The following FARP1 variants were observed in gnomAD, a reference collection of about 807,000 sequenced individuals.
FARP1 encodes FERM, ARHGEF and pleckstrin domain-containing protein 1.
A neutral mutation model predicts 128.8 loss-of-function variants in FARP1; 52 were observed. The ratio of observed to expected loss-of-function variants is 0.40; its 90% CI spans 0.32 to 0.51. The LOEUF is 0.51. FARP1 is among the 20% of genes least tolerant of loss of function. The pLI, the probability that FARP1 is intolerant of heterozygous loss-of-function variation, is 0.45. For synonymous variants in FARP1, 580 were observed against 551.8 expected, an observed-to-expected ratio of 1.05 and a Z score of -0.72; for missense variants, 1,333 against 1,367.9, an observed-to-expected ratio of 0.97 and a Z score of 0.40.
intron 2 of FARP1, among the ~76,000 whole-genome samples, chr13:98,258,461 C>T (rs574995880): frequency 2.2e-4 from 33 of 152,204 alleles, no homozygotes; most frequent in African/African-American, 7.5e-4. Context: ...ACGTGAGCAT[C>T]GTGTTTGCTA....
chr13:98,238,375 CTG>C (rs1310293721), intron 2 of FARP1, among the ~76,000 whole-genome samples: 1 of 152,152 alleles, frequency 6.6e-6, no homozygotes. Context: ...ATTTTCTTGT[CTG>C]TAGCTTTTTT....
intron 2 of FARP1, among the ~76,000 whole-genome samples, chr13:98,281,986 TA>T (rs2139627904): frequency 6.6e-6 from 1 of 152,314 alleles, no homozygotes; most frequent in Non-Finnish European, 1.5e-5. Context: ...ATCAGCCGAG[TA>T]CTTTACTCCT....
At chr13:98,199,033 G>C (rs1879766336) in intron 1 of FARP1, among the ~76,000 whole-genome samples, 1 of 131,248 alleles carries the variant, frequency 7.6e-6, no homozygotes, top group African/African-American at 2.9e-5. Flanking sequence ...CACTATTTCA[G>C]GCAGACCAAA....
intron 1 of FARP1, chr13:98,177,126 C>A: frequency 6.2e-7 from 1 of 1,603,676 alleles, no homozygotes; most frequent in Non-Finnish European, 8.5e-7. Context: ...GGTCGCAGGC[C>A]GGGCGCTTTC....
At chr13:98,340,337 C>A (rs1458074820) in intron 2 of FARP1, among the ~76,000 whole-genome samples, 1 of 152,102 alleles carries the variant, frequency 6.6e-6, no homozygotes. Flanking sequence ...TATGGGAATT[C>A]TTCCACAAGT....
chr13:98,215,418 G>A (rs1179662279), intron 2 of FARP1, among the ~76,000 whole-genome samples: 2 of 152,126 alleles, frequency 1.3e-5, no homozygotes, highest in Non-Finnish European at 2.9e-5. Flanking sequence ...GCACAAGGGA[G>A]CCTGGGTTCA....
At chr13:98,333,760 C>T (rs761326861) in intron 2 of FARP1, 1 of 152,124 alleles carries the variant, frequency 6.6e-6, no homozygotes, top group African/African-American at 2.4e-5. Flanking sequence ...CATTTGTGGT[C>T]AGAACCGATG....
chr13:98,330,272 A>G (rs1386929668), intron 2 of FARP1, among the ~76,000 whole-genome samples: 6 of 152,082 alleles, frequency 3.9e-5, no homozygotes, highest in Non-Finnish European at 8.8e-5. Context: ...TTCCATTGTG[A>G]GGACTGTGGC....
chr13:98,287,307 G>A (rs1885227646), intron 2 of FARP1, among the ~76,000 whole-genome samples: 1 of 133,898 alleles, frequency 7.5e-6, no homozygotes, highest in Non-Finnish European at 1.5e-5. Context: ...CTCGGCCACT[G>A]CAACCTTCTC....
rs1880186274 is a variant in FARP1, at chr13:98,205,037, AT to A, written c.-23-8182del. On this transcript the variant is annotated intron_variant, in intron 1 of 26. Transcript: ENST00000319562. ...TTGATTCTGTTACAATTCTTTGAGG[AT>A]GTTTTTGGCATTTAAGCCTTGGATG... Among the ~76,000 whole-genome samples the A allele has an allele frequency of 2.6e-5, 4 of 152,178 alleles. No individual in the cohort carries two copies. In the South Asian group the frequency reaches 8.3e-4, roughly 32 times the overall value.
At chr13:98,436,814 G>A (rs540908335) in intron 19 of FARP1, among the ~76,000 whole-genome samples, 1 of 152,346 alleles carries the variant, frequency 6.6e-6, no homozygotes, top group Non-Finnish European at 1.5e-5. Context: ...GGAACCCTCA[G>A]AAAAGCCCTG....
intron 16 of FARP1, among the ~76,000 whole-genome samples, 184 bp downstream of exon 16, chr13:98,412,218 T>G (rs1483343609): frequency 6.6e-6 from 1 of 152,224 alleles, no homozygotes; most frequent in African/African-American, 2.4e-5. Flanking sequence ...ATTTGCAGTT[T>G]CTTTCCTCTG....
chr13:98,169,555 T>C (rs895458577), intron 1 of FARP1, among the ~76,000 whole-genome samples: 5 of 152,292 alleles, frequency 3.3e-5, no homozygotes, highest in East Asian at 1.9e-4. Flanking sequence ...CAAGACCTTG[T>C]CTCGTCTCTT....
chr13:98,443,105 G>T (rs1248845394), intron 24 of FARP1, among the ~76,000 whole-genome samples: 2 of 152,262 alleles, frequency 1.3e-5, no homozygotes, highest in African/African-American at 4.8e-5. Flanking sequence ...TCTAGCCCCG[G>T]CCTGGTGGCT....
At chr13:98,209,455 C>T (rs1239523481) in intron 1 of FARP1, among the ~76,000 whole-genome samples, 1 of 143,598 alleles carries the variant, frequency 7.0e-6, no homozygotes, top group Non-Finnish European at 1.5e-5. Context: ...AGGAGACAGA[C>T]TATCTGGGGA....
In FARP1 at chr13:98,385,768, C is replaced by A; in HGVS notation, c.713C>A (p.Thr238Lys). 1 of 1,614,138 alleles carries A rather than the reference C, an allele frequency of 6.2e-7. No individual in the cohort carries two copies. Among genetic ancestry groups the A allele is most frequent in the South Asian group, 1.1e-5 (1 of 91,090 alleles). Residue 238 changes from threonine (T) to lysine (K), a missense_variant, in exon 8 of 27, where the codon ACG becomes AAG. By Grantham distance (78) the Thr-to-Lys change is moderately conservative. This residue lies in a region of FARP1 where 324 missense variants were observed against 398.1 expected (regional missense o/e 0.81). Transcript: ENST00000319562. Reference protein sequence around the residue: ...RLHPAKDREGTKINLAVANTG... With the variant: ...RLHPAKDREGKKINLAVANTG... ...CACCCGGCCAAGGACAGGGAAGGCA[C>A]GAAGATCAATCTGGCCGTTGCCAAC... is the stretch of plus-strand genomic sequence containing the variant.
In FARP1 at chr13:98,149,523, A is replaced by G. The variant is rs140327343; in HGVS notation, c.-24+6031A>G. ...CTATTTGTAAGAAAGCGTTGGCACC[A>G]TTTTATGTTACCATCAGTGATGTAT... is the stretch of plus-strand genomic sequence containing the variant. On this transcript the variant is annotated intron_variant, in intron 1 of 26. Transcript: ENST00000319562. Among the ~76,000 whole-genome samples the G allele has an allele frequency of 5.0e-3, 760 of 152,192 alleles. 21 individuals carry two copies. Among genetic ancestry groups the G allele is most frequent in the Admixed American group, 0.044 (668 of 15,266 alleles).
intron 2 of FARP1, among the ~76,000 whole-genome samples, chr13:98,318,232 T>C (rs948425891): frequency 4.5e-4 from 38 of 83,998 alleles, no homozygotes; most frequent in Non-Finnish European, 1.1e-3. Flanking sequence ...ATTTTTGTAT[T>C]TTTTTTTGTG....
chr13:98,147,108 T>C (rs1020097842), intron 1 of FARP1, among the ~76,000 whole-genome samples: 1 of 152,240 alleles, frequency 6.6e-6, no homozygotes, highest in Non-Finnish European at 1.5e-5. Context: ...AGAAAACGTG[T>C]ATTTAAAACT....
Sources: gnomAD v4.1 joint callset for allele counts (sites outside exome capture counted in the v4.1 genomes callset) on GRCh38, gnomAD v4.1.1 for gene constraint, gnomAD v4.1.1 regional missense constraint, MANE v1.5 for transcripts, NCBI Gene and HGNC (gene_info 2026-07-23, HGNC 2026-07-21) for gene names.